The following PPARGC1B variants were observed in gnomAD, a reference collection of about 807,000 sequenced individuals.
The protein encoded by PPARGC1B is PPARG coactivator 1 beta, also known as peroxisome proliferator-activated receptor gamma coactivator 1-beta.
In PPARGC1B, 34 loss-of-function variants were observed where a neutral mutation model predicts 101.6. That is an observed-to-expected ratio of 0.33 (90% confidence interval 0.25 to 0.45). The LOEUF is 0.45. Among genes scored for constraint, PPARGC1B ranks in the 20% least tolerant of loss-of-function variants. The probability of loss-of-function intolerance (pLI) is 1.00; values close to 1 mark genes in which losing one functional copy is unlikely to be tolerated. For missense variants in PPARGC1B, 1,234 were observed against 1,317.6 expected (o/e 0.94, Z 0.98); for synonymous variants, 548 against 539.3 (o/e 1.02, Z -0.22).
chr5:149,739,803 A>G (rs1356660233), intron 1 of PPARGC1B, among the ~76,000 whole-genome samples: 1 of 152,130 alleles, frequency 6.6e-6, no homozygotes, highest in East Asian at 1.9e-4. Context: ...CTTGCAGCTG[A>G]CCACGAGTTC....
chr5:149,784,432 G>C (rs1756710695), intron 1 of PPARGC1B, among the ~76,000 whole-genome samples: 1 of 151,920 alleles, frequency 6.6e-6, no homozygotes, highest in African/African-American at 2.4e-5. Context: ...AAGCCCCCCA[G>C]TGGCCCCCTG....
chr5:149,818,814 G>A (rs183427910), intron 1 of PPARGC1B: 1 of 456,378 alleles, frequency 2.2e-6, no homozygotes, highest in East Asian at 7.0e-5. Flanking sequence ...ACTAGGCCGG[G>A]CTATAATGAC....
chr5:149,777,944 A>G (rs1237391558), intron 1 of PPARGC1B, among the ~76,000 whole-genome samples: 2 of 105,774 alleles, frequency 1.9e-5, no homozygotes, highest in African/African-American at 4.0e-5. Context: ...ACACACACAC[A>G]CACACACACA....
At chr5:149,847,170 G>T (rs901859062) in intron 11 of PPARGC1B, 1 of 534,384 alleles carries the variant, frequency 1.9e-6, no homozygotes, top group African/African-American at 1.9e-5. Flanking sequence ...GTTGGGGGAA[G>T]TAGAGTTGTA....
At chr5:149,731,549 T>C (rs1754468227) in intron 1 of PPARGC1B, among the ~76,000 whole-genome samples, 1 of 143,950 alleles carries the variant, frequency 6.9e-6, no homozygotes, top group African/African-American at 2.6e-5. Context: ...GGGGCTGGTT[T>C]GGTACCTGGA....
Position 149,784,560 on chromosome 5 carries a change from C to CTTTTTTTTTTTTTTTTT in PPARGC1B, c.79-35866_79-35850dup, listed in dbSNP as rs72364863. Among the ~76,000 whole-genome samples the CTTTTTTTTTTTTTTTTT allele has an allele frequency of 3.0e-4, 23 of 75,702 alleles. 2 individuals carry two copies. Among genetic ancestry groups the CTTTTTTTTTTTTTTTTT allele is most frequent in the Admixed American group, 8.0e-4 (4 of 4,980 alleles). 49.7% of individuals were successfully genotyped at this position (75,702 alleles called of 152,430 possible). A position where few individuals can be genotyped will look rare whatever the true frequency, so the allele number is the denominator to read the frequency against. On this transcript the variant is annotated intron_variant, in intron 1 of 11. Transcript: ENST00000309241. Reference sequence around the variant, plus strand: ...AGCCTCACTCCAGCCAACTGAGTTTCTTTTTTTTTTTTTTTTTTTTTTTCT... The same window carrying CTTTTTTTTTTTTTTTTT: ...AGCCTCACTCCAGCCAACTGAGTTTCTTTTTTTTTTTTTTTTTTTTTTTTTTTTTTTTTTTTTTTTCT...
At chr5:149,763,958 G>C (rs988463059) in intron 1 of PPARGC1B, among the ~76,000 whole-genome samples, 16 of 151,984 alleles carry the variant, frequency 1.1e-4, no homozygotes, top group African/African-American at 3.6e-4. Context: ...GGGATTACAG[G>C]TGTGAGCCAC....
In PPARGC1B at chr5:149,730,683, C is replaced by A. The variant is rs899911447; in HGVS notation, c.78+263C>A. Reference sequence around the variant, plus strand: ...CCTTGGCCGCTTGGAGTCTGCCACCCCGCGGGCAAAACTGGGGGGTACCGC... The same window carrying A: ...CCTTGGCCGCTTGGAGTCTGCCACCACGCGGGCAAAACTGGGGGGTACCGC... On this transcript the variant is annotated intron_variant, in intron 1 of 11. Transcript: ENST00000309241. This position sits in a 1 kb window ranked among gnomAD's most constrained non-coding sequence, Gnocchi z 4.0. 6.6e-6 allele frequency among the ~76,000 whole-genome samples: 1 copy of A among 152,174 alleles called. No individual in the cohort carries two copies. Among genetic ancestry groups the A allele is most frequent in the African/African-American group, 2.4e-5 (1 of 41,464 alleles).
At position 149,836,910 on chromosome 5, in the gene PPARGC1B, G is replaced by A. The variant is rs775385568; in HGVS notation, c.2455G>A (p.Asp819Asn). 5.6e-6 allele frequency: 9 copies of A among 1,613,650 alleles called. No homozygotes were observed. Among genetic ancestry groups the A allele is most frequent in the Non-Finnish European group, 7.6e-6 (9 of 1,180,020 alleles). ...EEEEGEEEEE[D>N]DEEEDSGVSP... ...GGAAGAAGGGGAGGAGGAGGAGGAG[G>A]ACGATGAAGAAGAGGACTCAGGGGT... The change falls in exon 8 of 12, where the codon GAC becomes AAC. Residue 819 changes from aspartate (D) to asparagine (N), a missense_variant. By Grantham distance (23) the Asp-to-Asn change is conservative (BLOSUM62 1). Around this residue, in one of 3 missense-constraint regions of PPARGC1B, gnomAD observed 497 missense variants for 529.5 expected, o/e 0.94. Transcript: ENST00000309241.
chr5:149,834,600 G>A, intron 5 of PPARGC1B, 74 bp from the exon 6 acceptor site: 6 of 1,402,766 alleles, frequency 4.3e-6, no homozygotes, highest in Non-Finnish European at 6.0e-6. Flanking sequence ...GAGGCCTAGG[G>A]TCTCCTCCAG....
At chr5:149,737,684 G>A (rs1355830481) in intron 1 of PPARGC1B, among the ~76,000 whole-genome samples, 1 of 152,198 alleles carries the variant, frequency 6.6e-6, no homozygotes, top group African/African-American at 2.4e-5. Context: ...GAAGTGAGAA[G>A]ATATGATGAT....
chr5:149,759,664 C>T (rs1029934844), intron 1 of PPARGC1B, among the ~76,000 whole-genome samples: 2 of 152,222 alleles, frequency 1.3e-5, no homozygotes, highest in Non-Finnish European at 2.9e-5. Context: ...CCTCCGGCTC[C>T]TTCCCTCATC....
chr5:149,831,842 A>G lies in PPARGC1B; in HGVS notation c.583-814A>G, dbSNP rs543487320. ...TGCAGAGGACCTCAGACACCCAGCC[A>G]TGGAGCCTCCCCTTTATCCTGTGGG... On this transcript the variant is annotated intron_variant, in intron 4 of 11. Coordinates refer to ENST00000309241, the MANE Select transcript of PPARGC1B (RefSeq NM_133263.4). 7.7e-4 allele frequency among the ~76,000 whole-genome samples: 117 copies of G among 152,352 alleles called. No individual in the cohort carries two copies. The Middle Eastern group carries it at 0.01, about 13-fold the overall frequency.
chr5:149,844,301 A>G (rs1304980776), intron 10 of PPARGC1B, among the ~76,000 whole-genome samples: 1 of 152,266 alleles, frequency 6.6e-6, no homozygotes, highest in African/African-American at 2.4e-5. Flanking sequence ...TTTTAAAAAA[A>G]CACACAGGAT....
In PPARGC1B at chr5:149,849,512, TA is replaced by T. The variant is rs1308716313; in HGVS notation, c.*1956del. On this transcript the variant is annotated 3_prime_UTR_variant, in exon 12 of 12. Transcript: ENST00000309241. Reference sequence around the variant, plus strand: ...CCTCCTTGACCAATACAGACATAACTAATCAATCACACCACTCAGGTTCCCT... The same window carrying T: ...CCTCCTTGACCAATACAGACATAACTATCAATCACACCACTCAGGTTCCCT... 2.0e-5 allele frequency: 3 copies of T among 152,234 alleles called. No homozygotes were observed. The highest frequency in any genetic ancestry group is 2.9e-5 in the Non-Finnish European group (2 of 68,042). The allele number at this position is 152,234 out of a possible 1,614,324, so 9.4% of individuals were successfully genotyped here.
intron 2 of PPARGC1B, among the ~76,000 whole-genome samples, chr5:149,824,012 A>G (rs1758407145): frequency 6.6e-6 from 1 of 152,106 alleles, no homozygotes; most frequent in Non-Finnish European, 1.5e-5. Flanking sequence ...CCCAAAAATA[A>G]TGGCAGATAG....
intron 8 of PPARGC1B, among the ~76,000 whole-genome samples, chr5:149,838,462 C>G (rs1759201087): frequency 6.6e-6 from 1 of 152,180 alleles, no homozygotes. Context: ...TAGCTTCTGC[C>G]CTACAGTGGT....
intron 1 of PPARGC1B, among the ~76,000 whole-genome samples, chr5:149,798,650 T>C (rs1342209494): frequency 2.6e-5 from 4 of 152,180 alleles, no homozygotes; most frequent in African/African-American, 9.7e-5. Flanking sequence ...GGAGTTCTAG[T>C]TCACGTTCTT....
intron 1 of PPARGC1B, among the ~76,000 whole-genome samples, chr5:149,812,913 A>G (rs1757920266): frequency 6.6e-6 from 1 of 152,182 alleles, no homozygotes. Context: ...TGGGAGGGGA[A>G]TGGGTAAGAG....
Sources: gnomAD v4.1 joint callset for allele counts (sites outside exome capture counted in the v4.1 genomes callset) on GRCh38, gnomAD v4.1.1 for gene constraint, gnomAD v4.1.1 regional missense constraint, Gnocchi (gnomAD v3.1) non-coding constraint, MANE v1.5 for transcripts, NCBI Gene and HGNC (gene_info 2026-07-23, HGNC 2026-07-21) for gene names.